SAMSN1: variants seen among roughly 807,000 people sequenced by gnomAD.
SAMSN1 encodes SAM domain-containing protein SAMSN-1.
A neutral mutation model predicts 42.0 loss-of-function variants in SAMSN1; 31 were observed. That is an observed-to-expected ratio of 0.74 (90% CI 0.55 to 1.00). The LOEUF is 1.00. Among genes scored for constraint, SAMSN1 ranks in the 50% least tolerant of loss-of-function variants. The pLI, the probability that SAMSN1 is intolerant of heterozygous loss-of-function variation, is 0.00. For missense variants in SAMSN1, 464 were observed against 439.4 expected, an observed-to-expected ratio of 1.06 and a Z score of -0.50; for synonymous variants, 178 against 151.9, an observed-to-expected ratio of 1.17 and a Z score of -1.26.
intron 6 of SAMSN1, among the ~76,000 whole-genome samples, chr21:14,601,766 A>G (rs1299734705): frequency 6.6e-6 from 1 of 152,182 alleles, no homozygotes; most frequent in African/African-American, 2.4e-5. Context: ...ATATTCCCAG[A>G]GTTACTTATC....
chr21:14,514,110 G>T (rs1987804098), intron 3 of SAMSN1, among the ~76,000 whole-genome samples: 1 of 152,092 alleles, frequency 6.6e-6, no homozygotes, highest in Admixed American at 6.6e-5. Flanking sequence ...TGGAATGTAG[G>T]GTTCCTGTAA....
At chr21:14,606,030 C>T (rs1004967327) in intron 5 of SAMSN1, among the ~76,000 whole-genome samples, 7 of 151,718 alleles carry the variant, frequency 4.6e-5, no homozygotes, top group South Asian at 2.1e-4. Flanking sequence ...TTTGTAGAGA[C>T]GGGGTTTCAC....
chr21:14,516,884 A>T lies in SAMSN1; in HGVS notation c.279+8T>A. ...GAAAAATACAAATGATTATCAGAGAATATTTACCTTTTCCTCAGAAAGGGC... is the reference window on the plus strand; with the variant it reads ...GAAAAATACAAATGATTATCAGAGATTATTTACCTTTTCCTCAGAAAGGGC... On this transcript the variant is annotated splice_region_variant and intron_variant, in intron 3 of 7. Coordinates refer to ENST00000400566, the MANE Select transcript of SAMSN1 (RefSeq NM_022136.5). The T allele has an allele frequency of 6.3e-7, 1 of 1,599,252 alleles. No homozygotes were observed. The highest frequency in any genetic ancestry group is 8.5e-7 in the Non-Finnish European group (1 of 1,173,014).
intron 1 of SAMSN1, among the ~76,000 whole-genome samples, chr21:14,532,139 G>C (rs1979306482): frequency 6.6e-6 from 1 of 152,122 alleles, no homozygotes; most frequent in African/African-American, 2.4e-5. Context: ...TAATCCAGTG[G>C]CATATGTCAG....
At chr21:14,631,099 T>C (rs1288931578) in intron 2 of SAMSN1, among the ~76,000 whole-genome samples, 3 of 152,222 alleles carry the variant, frequency 2.0e-5, no homozygotes, top group African/African-American at 7.2e-5. Context: ...CACTGTGCAG[T>C]GACAACATCT....
At chr21:14,635,762 C>T (rs1236928273) in intron 2 of SAMSN1, among the ~76,000 whole-genome samples, 1 of 125,168 alleles carries the variant, frequency 8.0e-6, no homozygotes, top group Admixed American at 9.3e-5. Flanking sequence ...ATGCACCATG[C>T]CAGGTGCTTA....
At chr21:14,601,719 A>G (rs1982436408) in intron 6 of SAMSN1, among the ~76,000 whole-genome samples, 1 of 152,198 alleles carries the variant, frequency 6.6e-6, no homozygotes, top group African/African-American at 2.4e-5. Context: ...AGTGTTTAGC[A>G]TAGGTCTTGA....
At chr21:14,512,321 T>C in intron 4 of SAMSN1, 123 bp downstream of exon 4, 1 of 962,240 alleles carries the variant, frequency 1.0e-6, no homozygotes, top group Non-Finnish European at 1.6e-6. Context: ...TAATATATCT[T>C]ACATTTTTAC....
upstream of SAMSN1, among the ~76,000 whole-genome samples, chr21:14,587,556 C>A (rs1382452239): frequency 1.3e-5 from 2 of 151,964 alleles, no homozygotes; most frequent in Non-Finnish European, 2.9e-5. Flanking sequence ...AAGGATTAAC[C>A]CTGGCCTTTT....
chr21:14,501,591 G>C (rs1249004186), intron 5 of SAMSN1, among the ~76,000 whole-genome samples: 3 of 152,126 alleles, frequency 2.0e-5, no homozygotes, highest in Non-Finnish European at 4.4e-5. Flanking sequence ...AGAGAAGTCT[G>C]TTACTCTATA....
chr21:14,599,109 G>A (rs1982357373), intron 6 of SAMSN1, among the ~76,000 whole-genome samples: 1 of 152,118 alleles, frequency 6.6e-6, no homozygotes, highest in Non-Finnish European at 1.5e-5. Context: ...TAATTTGGAC[G>A]TTTGTTGTTT....
At chr21:14,628,560 T>A (rs1284014672) in intron 2 of SAMSN1, among the ~76,000 whole-genome samples, 2 of 152,198 alleles carry the variant, frequency 1.3e-5, no homozygotes, top group Admixed American at 6.5e-5. Context: ...AGAAGATTTA[T>A]GTGACTGGTA....
At chr21:14,586,273 AAAAAAG>A (rs1266969184), upstream of SAMSN1, among the ~76,000 whole-genome samples, 41 of 150,152 alleles carry the variant, frequency 2.7e-4, no homozygotes, top group African/African-American at 4.9e-4. Flanking sequence ...AAAAAAAAAA[AAAAAAG>A]AAAAAGAAAA....
chr21:14,634,983 A>G (rs753012979), intron 2 of SAMSN1, among the ~76,000 whole-genome samples: 1 of 152,256 alleles, frequency 6.6e-6, no homozygotes, highest in South Asian at 2.1e-4. Context: ...CATATACACC[A>G]TGAAATACTA....
intron 1 of SAMSN1, among the ~76,000 whole-genome samples, chr21:14,541,987 G>GAA (rs3993033): frequency 0.51 from 72,008 of 141,028 alleles, 18,443 homozygotes; most frequent in East Asian, 0.73. Flanking sequence ...ATGAGACCCT[G>GAA]AAAAAAAAAA....
intron 1 of SAMSN1, among the ~76,000 whole-genome samples, chr21:14,533,681 A>C (rs1261770130): frequency 6.6e-6 from 1 of 152,230 alleles, no homozygotes; most frequent in Admixed American, 6.5e-5. Flanking sequence ...AATACTAACC[A>C]AGCGAGCATT....
chr21:14,575,981 A>G (rs1220015966), intron 2 of SAMSN1, among the ~76,000 whole-genome samples: 1 of 152,216 alleles, frequency 6.6e-6, no homozygotes, highest in Non-Finnish European at 1.5e-5. Context: ...AGAGAAGAAA[A>G]GAAAGGCCAA....
chr21:14,512,353 G>A (rs1195140373), intron 4 of SAMSN1, 91 bp downstream of exon 4: 45 of 1,350,426 alleles, frequency 3.3e-5, no homozygotes, highest in Admixed American at 5.4e-5. Flanking sequence ...TCAAGTAGCT[G>A]GAACCTTGTG....
At position 14,502,247 on chromosome 21, in the gene SAMSN1, A is replaced by G. The variant is rs182613782; in HGVS notation, c.562-1512T>C. On this transcript the variant is annotated intron_variant, in intron 5 of 7. Coordinates refer to ENST00000400566, the MANE Select transcript of SAMSN1 (RefSeq NM_022136.5). ...GATCATCTGTCTGTCTAGTCCTGTGATCTGTTAGGCTTTCTGCCTTTAATG... is the reference window on the plus strand; with the variant it reads ...GATCATCTGTCTGTCTAGTCCTGTGGTCTGTTAGGCTTTCTGCCTTTAATG... 3.5e-3 allele frequency among the ~76,000 whole-genome samples: 463 copies of G among 133,914 alleles called. No homozygotes were observed. The Middle Eastern group carries it at 0.043, about 12-fold the overall frequency. The allele number at this position is 133,914 out of a possible 152,430, so 87.9% of individuals were successfully genotyped here. A position where few individuals can be genotyped will look rare whatever the true frequency, so the allele number is the denominator to read the frequency against.
Sources: gnomAD v4.1 joint callset for allele counts (sites outside exome capture counted in the v4.1 genomes callset) on GRCh38, gnomAD v4.1.1 for gene constraint, MANE v1.5 for transcripts, NCBI Gene and HGNC (gene_info 2026-07-23, HGNC 2026-07-21) for gene names.